Variants in SHISA9 observed in about 807,000 individuals in gnomAD.
The protein encoded by SHISA9 is shisa family member 9.
In SHISA9, 13 loss-of-function variants were observed where a neutral mutation model predicts 38.0. The ratio of observed to expected loss-of-function variants is 0.34; its 90% CI spans 0.22 to 0.54. SHISA9 has a LOEUF of 0.54. SHISA9 is among the 20% of genes least tolerant of loss of function. SHISA9 has a pLI of 0.91. For synonymous variants in SHISA9, 275 were observed against 242.0 expected, an observed-to-expected ratio of 1.14 and a Z score of -1.27; for missense variants, 538 against 575.8, an observed-to-expected ratio of 0.93 and a Z score of 0.67.
chr16:13,190,909 G>GT lies in SHISA9; in HGVS notation c.692-12476dup, dbSNP rs1000415005. 2.5e-3 allele frequency among the ~76,000 whole-genome samples: 380 copies of GT among 150,328 alleles called. 1 individual carries two copies. Among genetic ancestry groups the GT allele is most frequent in the African/African-American group, 8.3e-3 (341 of 40,928 alleles). ...CCAAAGGTTTTATGATTATATATGT[G>GT]TTTTTTTTTCTTTATTGCAAATTCC... On this transcript the variant is annotated intron_variant, in intron 2 of 4. Transcript: ENST00000558583.
At chr16:13,379,547 G>A in the SHISA9 span, among the ~76,000 whole-genome samples, 1 of 152,190 alleles carries the variant, frequency 6.6e-6, no homozygotes, top group African/African-American at 2.4e-5. Context: ...CTGACAAGTG[G>A]CAAATGACAT....
intron 4 of SHISA9, among the ~76,000 whole-genome samples, chr16:13,215,124 G>C (rs570210552): frequency 6.6e-6 from 1 of 152,284 alleles, no homozygotes; most frequent in African/African-American, 2.4e-5. Flanking sequence ...GGATCATTGA[G>C]AGACTACAAA....
At chr16:13,527,238 G>A in the SHISA9 span, among the ~76,000 whole-genome samples, 1 of 152,134 alleles carries the variant, frequency 6.6e-6, no homozygotes, top group Non-Finnish European at 1.5e-5. Context: ...GAGCTATTAG[G>A]TTGTCCATCC....
intron 2 of SHISA9, among the ~76,000 whole-genome samples, chr16:13,142,388 A>G (rs145831802): frequency 6.6e-6 from 1 of 152,204 alleles, no homozygotes; most frequent in African/African-American, 2.4e-5. Context: ...AATTTTTTGC[A>G]GTTTCTGAGT....
chr16:12,925,004 G>C (rs1348589434), intron 2 of SHISA9, among the ~76,000 whole-genome samples: 1 of 152,202 alleles, frequency 6.6e-6, no homozygotes, highest in East Asian at 1.9e-4. Flanking sequence ...ATAAATATTA[G>C]TTGTTACTAA....
the SHISA9 span, among the ~76,000 whole-genome samples, chr16:13,418,436 C>G: frequency 6.6e-6 from 1 of 152,166 alleles, no homozygotes; most frequent in Admixed American, 6.5e-5. Context: ...CATGTGGCAT[C>G]TGCTGAAACC....
chr16:13,159,591 T>C (rs2050578104), intron 2 of SHISA9, among the ~76,000 whole-genome samples: 1 of 152,248 alleles, frequency 6.6e-6, no homozygotes, highest in Admixed American at 6.5e-5. Context: ...TCTTGGTTCA[T>C]TAATCAGAGC....
the SHISA9 span, among the ~76,000 whole-genome samples, chr16:13,407,125 T>C: frequency 8.7e-5 from 13 of 149,658 alleles, no homozygotes; most frequent in African/African-American, 3.0e-4. Context: ...CTCTAGTCTA[T>C]TCAAACTACC....
chr16:12,938,134 G>A (rs1317948313), intron 2 of SHISA9, among the ~76,000 whole-genome samples: 1 of 152,226 alleles, frequency 6.6e-6, no homozygotes, highest in Non-Finnish European at 1.5e-5. Flanking sequence ...CTTAGTGTAA[G>A]AGGGAAAGCC....
chr16:13,507,960 G>C, the SHISA9 span, among the ~76,000 whole-genome samples: 1 of 152,124 alleles, frequency 6.6e-6, no homozygotes. Flanking sequence ...CATACTTATG[G>C]TGGAAACTAC....
At chr16:13,278,597 G>A in the SHISA9 span, among the ~76,000 whole-genome samples, 5 of 151,986 alleles carry the variant, frequency 3.3e-5, no homozygotes, top group African/African-American at 9.7e-5. Context: ...CTCACTGTTT[G>A]TTATTGGTCT....
chr16:13,122,684 G>A (rs1340965352), intron 2 of SHISA9, among the ~76,000 whole-genome samples: 1 of 152,322 alleles, frequency 6.6e-6, no homozygotes, highest in African/African-American at 2.4e-5. Flanking sequence ...GCCAGGCACT[G>A]TGTTTGATGC....
At chr16:13,153,271 GA>G (rs1300136410) in intron 2 of SHISA9, among the ~76,000 whole-genome samples, 3 of 147,570 alleles carry the variant, frequency 2.0e-5, no homozygotes, top group East Asian at 2.0e-4. Flanking sequence ...AGCTCAACCA[GA>G]AAAAAAAAAC....
intron 4 of SHISA9, 81 bp downstream of exon 4, chr16:13,213,381 G>T (rs1366712566): frequency 1.1e-5 from 14 of 1,333,030 alleles, no homozygotes; most frequent in African/African-American, 1.5e-5. Flanking sequence ...GAGAGTCCTG[G>T]TGTCTGTGTG....
chr16:13,107,722 C>T (rs528942726), intron 2 of SHISA9, among the ~76,000 whole-genome samples: 1 of 151,986 alleles, frequency 6.6e-6, no homozygotes, highest in African/African-American at 2.4e-5. Context: ...AGAGCCTTAA[C>T]TGTCATGAGA....
the SHISA9 span, among the ~76,000 whole-genome samples, chr16:13,469,314 GAGAGAGAGAAAGAAAGAA>G: frequency 3.5e-4 from 37 of 106,518 alleles, 1 homozygote; most frequent in Middle Eastern, 8.3e-3. Context: ...GAGAGAGAGA[GAGAGAGAGAAAGAAAGAA>G]AGAAAGAAAG....
the SHISA9 span, among the ~76,000 whole-genome samples, chr16:13,535,447 C>G: frequency 1.3e-5 from 2 of 152,176 alleles, no homozygotes; most frequent in Non-Finnish European, 2.9e-5. Flanking sequence ...ACTCTTATAG[C>G]CTAAGCCAGG....
intron 2 of SHISA9, among the ~76,000 whole-genome samples, chr16:13,042,085 C>A (rs1042487975): frequency 1.3e-5 from 2 of 152,162 alleles, no homozygotes; most frequent in Admixed American, 6.5e-5. Flanking sequence ...CAATTACCAA[C>A]AACTATGGAG....
the SHISA9 span, among the ~76,000 whole-genome samples, chr16:13,540,231 C>T: frequency 6.6e-6 from 1 of 151,522 alleles, no homozygotes; most frequent in Admixed American, 6.6e-5. Context: ...ACATAAACCT[C>T]CTATAGCAGA....
Sources: allele counts gnomAD v4.1 joint callset (sites outside exome capture counted in the v4.1 genomes callset), GRCh38; gene constraint gnomAD v4.1.1; transcripts MANE v1.5; gene names NCBI Gene and HGNC (gene_info 2026-07-23, HGNC 2026-07-21).